HIP1: variants seen among roughly 807,000 people sequenced by gnomAD.
The protein encoded by HIP1 is huntingtin-interacting protein 1.
In HIP1, 65 loss-of-function variants were observed where a neutral mutation model predicts 147.6. The observed-to-expected ratio is 0.44, with a 90% CI of 0.36 to 0.54. The LOEUF (loss-of-function observed/expected upper bound fraction) is 0.54, where lower values mean the gene tolerates loss of function less well. HIP1 is among the 20% of genes least tolerant of loss of function. The pLI, the probability that HIP1 is intolerant of heterozygous loss-of-function variation, is 0.00. For synonymous variants in HIP1, 479 were observed against 504.0 expected, an observed-to-expected ratio of 0.95 and a Z score of 0.67; for missense variants, 1,061 against 1,299.6, an observed-to-expected ratio of 0.82 and a Z score of 2.82.
intron 22 of HIP1, among the ~76,000 whole-genome samples, chr7:75,550,585 A>G (rs1191245371): frequency 6.6e-6 from 1 of 151,892 alleles, no homozygotes; most frequent in Non-Finnish European, 1.5e-5. Context: ...GCTAACTTTT[A>G]AACTTTTTTG....
At chr7:75,647,082 A>G (rs1453018699) in intron 1 of HIP1, among the ~76,000 whole-genome samples, 2 of 151,890 alleles carry the variant, frequency 1.3e-5, no homozygotes, top group Non-Finnish European at 2.9e-5. Context: ...GTGCGTGGAC[A>G]TGGCCAGATG....
chr7:75,609,903 C>CT (rs56106169), intron 1 of HIP1, among the ~76,000 whole-genome samples: 7,462 of 130,950 alleles, frequency 0.057, 420 homozygotes, highest in African/African-American at 0.14. Flanking sequence ...CTCTTCTTTT[C>CT]TTTTTTTTTT....
intron 1 of HIP1, among the ~76,000 whole-genome samples, chr7:75,650,037 C>T (rs1432191739): frequency 1.3e-5 from 2 of 152,106 alleles, no homozygotes; most frequent in African/African-American, 2.4e-5. Flanking sequence ...CAGGTGCACC[C>T]CCAGAGCCTA....
rs1285721784 is a variant in HIP1 at position 75,537,411 on chromosome 7, G to A, written c.*761C>T. 6 of 233,004 alleles carry A rather than the reference G, an allele frequency of 2.6e-5. No individual in the cohort carries two copies. Among genetic ancestry groups the A allele is most frequent in the Non-Finnish European group, 4.2e-5 (5 of 117,828 alleles). 14.4% of individuals were successfully genotyped at this position (233,004 alleles called of 1,614,324 possible). A position where few individuals can be genotyped will look rare whatever the true frequency, so the allele number is the denominator to read the frequency against. On this transcript the variant is annotated 3_prime_UTR_variant, in exon 31 of 31. Transcript: ENST00000336926. Reference sequence around the variant, plus strand: ...AGTGTGGAGGCGGAGATGGAGCACCGAGAGGCCTGGGCAGCACCATCGCTG... The same window carrying A: ...AGTGTGGAGGCGGAGATGGAGCACCAAGAGGCCTGGGCAGCACCATCGCTG...
chr7:75,645,417 G>C (rs1442633621), intron 1 of HIP1, among the ~76,000 whole-genome samples: 1 of 151,986 alleles, frequency 6.6e-6, no homozygotes, highest in Non-Finnish European at 1.5e-5. Context: ...AGTAGAGACG[G>C]GGTTTCACCA....
chr7:75,601,662 A>G (rs1554502966), intron 1 of HIP1, among the ~76,000 whole-genome samples: 1 of 152,108 alleles, frequency 6.6e-6, no homozygotes, highest in East Asian at 1.9e-4. Context: ...AAATCTTATT[A>G]GAATTCACCC....
At chr7:75,584,646 T>A (rs1554499211) in intron 5 of HIP1, among the ~76,000 whole-genome samples, 1 of 152,082 alleles carries the variant, frequency 6.6e-6, no homozygotes, top group African/African-American at 2.4e-5. Flanking sequence ...CTGATGCCAC[T>A]GAACTCTGCT....
At chr7:75,540,728 TA>T (rs1794274337) in intron 29 of HIP1, among the ~76,000 whole-genome samples, 1 of 152,156 alleles carries the variant, frequency 6.6e-6, no homozygotes, top group African/African-American at 2.4e-5. Context: ...AATTTTTTTT[TA>T]AAGGATCTCG....
At chr7:75,722,636 G>A (rs987845895) in intron 1 of HIP1, among the ~76,000 whole-genome samples, 2 of 152,132 alleles carry the variant, frequency 1.3e-5, no homozygotes, top group South Asian at 2.1e-4. Flanking sequence ...TTTACTTCCC[G>A]TTCCATTTCC....
intron 1 of HIP1, among the ~76,000 whole-genome samples, chr7:75,602,086 C>T (rs1230988354): frequency 6.6e-6 from 1 of 151,030 alleles, no homozygotes; most frequent in East Asian, 1.9e-4. Flanking sequence ...CTGCAAACTC[C>T]GCCTCCTGGG....
chr7:75,709,805 G>A (rs528563022), intron 1 of HIP1, among the ~76,000 whole-genome samples: 13 of 152,282 alleles, frequency 8.5e-5, no homozygotes, highest in African/African-American at 2.4e-4. Flanking sequence ...TGAATGTGAC[G>A]TCTGCTGTGG....
chr7:75,596,022 A>G (rs1180001800), intron 2 of HIP1, among the ~76,000 whole-genome samples: 1 of 152,068 alleles, frequency 6.6e-6, no homozygotes, highest in Non-Finnish European at 1.5e-5. Context: ...GGACTGCTTG[A>G]GCCTAGCTAG....
chr7:75,687,421 G>T (rs569951129), intron 1 of HIP1, among the ~76,000 whole-genome samples: 1 of 152,216 alleles, frequency 6.6e-6, no homozygotes, highest in Non-Finnish European at 1.5e-5. Flanking sequence ...GCCGGGCACG[G>T]TGGCTCATGC....
chr7:75,672,338 T>TC (rs1799750432), intron 1 of HIP1, among the ~76,000 whole-genome samples: 1 of 151,236 alleles, frequency 6.6e-6, no homozygotes, highest in Non-Finnish European at 1.5e-5. Flanking sequence ...TTTTTTTTTT[T>TC]CCTTTTGAAA....
At chr7:75,598,184 G>T (rs1408234040) in intron 2 of HIP1, among the ~76,000 whole-genome samples, 1 of 152,014 alleles carries the variant, frequency 6.6e-6, no homozygotes, top group Non-Finnish European at 1.5e-5. Context: ...GGAGGCTGAG[G>T]CCAGGCGTTC....
chr7:75,593,383 C>T (rs369450037), intron 2 of HIP1, among the ~76,000 whole-genome samples: 1 of 152,098 alleles, frequency 6.6e-6, no homozygotes, highest in Non-Finnish European at 1.5e-5. Context: ...ATAATCCCAG[C>T]ACTTTGGGGG....
At chr7:75,655,409 T>C (rs1161887476) in intron 1 of HIP1, among the ~76,000 whole-genome samples, 2 of 151,560 alleles carry the variant, frequency 1.3e-5, no homozygotes, top group Non-Finnish European at 2.9e-5. Flanking sequence ...TAAAATCCTG[T>C]CTCTAATAAA....
chr7:75,639,662 T>C (rs1317710626), intron 1 of HIP1, among the ~76,000 whole-genome samples: 1 of 150,352 alleles, frequency 6.7e-6, no homozygotes, highest in African/African-American at 2.5e-5. Context: ...TCAGTGGGAC[T>C]CAGGAAGTGA....
chr7:75,712,955 C>T (rs1352886140), intron 1 of HIP1, among the ~76,000 whole-genome samples: 1 of 152,242 alleles, frequency 6.6e-6, no homozygotes, highest in African/African-American at 2.4e-5. Context: ...CTCACATATT[C>T]AACCATTCAT....
Sources: allele counts gnomAD v4.1 joint callset (sites outside exome capture counted in the v4.1 genomes callset), GRCh38; gene constraint gnomAD v4.1.1; transcripts MANE v1.5; gene names NCBI Gene and HGNC (gene_info 2026-07-23, HGNC 2026-07-21).